Variants in CFAP65 observed in about 807,000 individuals in gnomAD.
The protein encoded by CFAP65 is cilia and flagella associated protein 65.
A neutral mutation model predicts 208.0 loss-of-function variants in CFAP65; 155 were observed. That is an observed-to-expected ratio of 0.75 (90% confidence interval 0.65 to 0.85). The LOEUF (loss-of-function observed/expected upper bound fraction) is 0.85. Among genes scored for constraint, CFAP65 ranks in the 40% least tolerant of loss-of-function variants. The pLI is 0.00. For missense variants in CFAP65, 2,294 were observed against 2,451.3 expected, an observed-to-expected ratio of 0.94 and a Z score of 1.36; for synonymous variants, 970 against 986.3, an observed-to-expected ratio of 0.98 and a Z score of 0.31.
Position 219,027,848 on chromosome 2 carries a change from A to G in CFAP65, c.2013T>C (p.Pro671=). 6.3e-7 allele frequency: 1 copy of G among 1,590,422 alleles called. No individual in the cohort carries two copies. Among genetic ancestry groups the G allele is most frequent in the African/African-American group, 1.3e-5 (1 of 74,662 alleles). The change falls in exon 13 of 35, where the codon CCT becomes CCC. Residue 671 remains proline (P), a synonymous_variant. Coordinates refer to ENST00000341552, the MANE Select transcript of CFAP65 (RefSeq NM_194302.4). ...TGTGGTTCATCAGGCACAGGGGTAC[A>G]GGGTTGGGGGCCTCAGGCCCTGGGC... ...GACPGPEAPN[P]VPLCLMNHTK...
At position 219,004,136 on chromosome 2, in the gene CFAP65, C is replaced by T. The variant is rs1483460031; in HGVS notation, c.5371G>A (p.Gly1791Ser). The T allele has an allele frequency of 2.5e-6, 4 of 1,613,750 alleles. No homozygotes were observed. Among genetic ancestry groups the T allele is most frequent in the East Asian group, 4.5e-5 (2 of 44,878 alleles). ...EEEETEEEEL[G>S]KEEIEEKEEE... The stretch of plus-strand genomic sequence containing the variant: ...TCCTTCTCCTCTATCTCCTCCTTGC[C>T]CAACTCCTCCTCTTCTGTCTCCTCT... Residue 1791 changes from glycine to serine, a missense_variant, in exon 33 of 35, where the codon GGC becomes AGC. By Grantham distance (56) the Gly-to-Ser change is moderately conservative. Around this residue, in one of 2 missense-constraint regions of CFAP65, gnomAD observed 1,427 missense variants for 1,438.7 expected, o/e 0.99. Transcript: ENST00000341552. This position sits in a 1 kb window ranked among gnomAD's most constrained non-coding sequence, Gnocchi z 4.7.
chr2:219,007,907 C>T (rs780464994), intron 29 of CFAP65, among the ~76,000 whole-genome samples: 1 of 151,946 alleles, frequency 6.6e-6, no homozygotes, highest in Non-Finnish European at 1.5e-5. Flanking sequence ...CAACCTCCGC[C>T]TCCCGGGTTC....
chr2:219,026,278 G>A (rs1053562278), intron 13 of CFAP65, 119 bp from the exon 14 acceptor site: 1 of 1,064,886 alleles, frequency 9.4e-7, no homozygotes, highest in Non-Finnish European at 1.4e-6. Context: ...ACAGACAGGA[G>A]GGCCTCCCTG....
chr2:219,006,662 C>T (rs1946019572), intron 29 of CFAP65, among the ~76,000 whole-genome samples, 153 bp from the exon 30 acceptor site: 1 of 152,056 alleles, frequency 6.6e-6, no homozygotes, highest in Non-Finnish European at 1.5e-5. Context: ...GGCGAAAGCC[C>T]GTCTCTACTA....
At position 219,028,214 on chromosome 2, in the gene CFAP65, A is replaced by T; in HGVS notation, c.1838T>A (p.Met613Lys). 6.2e-7 allele frequency: 1 copy of T among 1,613,998 alleles called. No individual in the cohort carries two copies. Among genetic ancestry groups the T allele is most frequent in the Non-Finnish European group, 8.5e-7 (1 of 1,179,934 alleles). Residue 613 changes from methionine (M) to lysine (K), a missense_variant, in exon 12 of 35, where the codon ATG becomes AAG. Met to Lys is a moderately conservative substitution (Grantham distance 95, BLOSUM62 -1). This residue lies in a region of CFAP65 where 867 missense variants were observed against 1,012.6 expected (regional missense o/e 0.86). Transcript: ENST00000341552. Reference sequence around the variant, plus strand: ...AGGGCACTGTACCTGGATGGGAATCATGAGAGCCCCGTTCTGGTCCTGTGC... The same window carrying T: ...AGGGCACTGTACCTGGATGGGAATCTTGAGAGCCCCGTTCTGGTCCTGTGC... ...KLAQDQNGAL[M>K]IPIQDLEDMP...
chr2:219,021,727 C>T, intron 18 of CFAP65, 53 bp downstream of exon 18: 1 of 1,599,882 alleles, frequency 6.3e-7, no homozygotes, highest in Middle Eastern at 1.7e-4. Flanking sequence ...CCGGTCTTAA[C>T]CAGTACCTCC....
Position 219,031,792 on chromosome 2 carries a change from AGGG to A in CFAP65, c.646-137_646-135del. ...GCCGTGGCACCCACGTCAGACTCTGAGGGGAGCTGGGCACCTATGTTGTCTTGG... is the reference window on the plus strand; with the variant it reads ...GCCGTGGCACCCACGTCAGACTCTGAGAGCTGGGCACCTATGTTGTCTTGG... On this transcript the variant is annotated intron_variant, in intron 6 of 34. Transcript: ENST00000341552. This position sits in a 1 kb window ranked among gnomAD's most constrained non-coding sequence, Gnocchi z 5.2. The A allele has an allele frequency of 2.0e-6, 2 of 1,018,620 alleles. No homozygotes were observed. Among genetic ancestry groups the A allele is most frequent in the East Asian group, 5.2e-5 (2 of 38,594 alleles). 63.1% of individuals were successfully genotyped at this position (1,018,620 alleles called of 1,614,324 possible).
intron 3 of CFAP65, 147 bp from the exon 4 acceptor site, chr2:219,038,725 G>T: frequency 9.1e-7 from 1 of 1,094,158 alleles, no homozygotes; most frequent in Non-Finnish European, 1.4e-6. Flanking sequence ...CATGAGGAAT[G>T]AGGCTGTACA....
intron 11 of CFAP65, 117 bp from the exon 12 acceptor site, chr2:219,028,518 G>A: frequency 2.3e-6 from 2 of 858,626 alleles, no homozygotes; most frequent in Non-Finnish European, 3.8e-6. Context: ...CAGTGGGGCA[G>A]AAGCTCCAGG....
At chr2:219,035,738 A>C in intron 4 of CFAP65, 74 bp from the exon 5 acceptor site, 1 of 1,522,716 alleles carries the variant, frequency 6.6e-7, no homozygotes. Flanking sequence ...CCCAGAGAAC[A>C]GGTGAAGGTC....
In CFAP65 at chr2:219,005,444, T is replaced by C. The variant is rs1343349230; in HGVS notation, c.5041A>G (p.Thr1681Ala). The change falls in exon 32 of 35, where the codon ACA becomes GCA. Residue 1681 changes from threonine to alanine, a missense_variant. Around this residue, in one of 2 missense-constraint regions of CFAP65, gnomAD observed 1,427 missense variants for 1,438.7 expected, o/e 0.99. Coordinates refer to ENST00000341552, the MANE Select transcript of CFAP65 (RefSeq NM_194302.4). ...KKQLLVDILT[T>A]IIRGLLEDKN... Reference sequence around the variant, plus strand: ...GGTGTGAGCTGGTACCTGATTATTGTGGTGAGAATGTCAACCAGGAGCTGC... The same window carrying C: ...GGTGTGAGCTGGTACCTGATTATTGCGGTGAGAATGTCAACCAGGAGCTGC... 6.2e-7 allele frequency: 1 copy of C among 1,613,656 alleles called. No individual in the cohort carries two copies. Among genetic ancestry groups the C allele is most frequent in the Non-Finnish European group, 8.5e-7 (1 of 1,179,918 alleles).
In CFAP65 at chr2:219,031,926, T is replaced by A. The variant is rs1210230947; in HGVS notation, c.646-268A>T. On this transcript the variant is annotated intron_variant, in intron 6 of 34. Transcript: ENST00000341552. The surrounding 1 kb of genome is among the most constrained non-coding windows in gnomAD (Gnocchi z 5.2). ...TGTAGAAGGGGTTTCTTTTCTTTTC[T>A]TTTTTTTTTTTTTTTTTTGAGTCTC... is the stretch of plus-strand genomic sequence containing the variant. Among the ~76,000 whole-genome samples, 1 of 83,764 alleles carries A rather than the reference T, an allele frequency of 1.2e-5. No individual in the cohort carries two copies. Among genetic ancestry groups the A allele is most frequent in the Admixed American group, 1.0e-4 (1 of 9,782 alleles). 55.0% of individuals were successfully genotyped at this position (83,764 alleles called of 152,430 possible). A position where few individuals can be genotyped will look rare whatever the true frequency, so the allele number is the denominator to read the frequency against.
intron 31 of CFAP65, 67 bp from the exon 32 acceptor site, chr2:219,005,629 G>A: frequency 6.3e-7 from 1 of 1,586,448 alleles, no homozygotes. Flanking sequence ...GGCACAAGCA[G>A]TGGTGGTAGC....
chr2:219,004,901 TTCTC>T lies in CFAP65; in HGVS notation c.5052-450_5052-447del, dbSNP rs942818294. Reference sequence around the variant, plus strand: ...TTTTTTCTTTTCTCTCTCTCTCTATTTCTCTCTTTCTTTCTCTCTCTTTCTCTCC... The same window carrying T: ...TTTTTTCTTTTCTCTCTCTCTCTATTTCTTTCTTTCTCTCTCTTTCTCTCC... On this transcript the variant is annotated intron_variant, in intron 32 of 34. Coordinates refer to ENST00000341552, the MANE Select transcript of CFAP65 (RefSeq NM_194302.4). This position sits in a 1 kb window ranked among gnomAD's most constrained non-coding sequence, Gnocchi z 4.7. Among the ~76,000 whole-genome samples, 11 of 150,214 alleles carry T rather than the reference TTCTC, an allele frequency of 7.3e-5. No homozygotes were observed. Among genetic ancestry groups the T allele is most frequent in the Non-Finnish European group, 2.9e-5 (2 of 67,898 alleles).
Position 219,035,561 on chromosome 2 carries a change from T to G in CFAP65, c.461A>C (p.Lys154Thr), listed in dbSNP as rs759937567. 2 of 1,614,096 alleles carry G rather than the reference T, an allele frequency of 1.2e-6. No homozygotes were observed. Among genetic ancestry groups the G allele is most frequent in the South Asian group, 1.1e-5 (1 of 91,074 alleles). The change falls in exon 5 of 35, where the codon AAA becomes ACA. Residue 154 changes from lysine to threonine, a missense_variant. Physicochemically the swap from Lys to Thr is moderately conservative, Grantham distance 78. Transcript: ENST00000341552. ...GGTCTCCTTTCCTAGCTCCCAGCCTTTCCAATGCAGCTCCTCAGCCACCTC... is the reference window on the plus strand; with the variant it reads ...GGTCTCCTTTCCTAGCTCCCAGCCTGTCCAATGCAGCTCCTCAGCCACCTC... ...GIEVAEELHW[K>T]GWELGKETTR... is the part of the protein sequence containing the mutation.
intron 24 of CFAP65, among the ~76,000 whole-genome samples, chr2:219,011,261 T>C (rs1171139927): frequency 1.3e-5 from 2 of 150,088 alleles, no homozygotes; most frequent in African/African-American, 2.5e-5. Context: ...GTTTTTTTTC[T>C]TTTTCTTTCT....
At position 219,022,146 on chromosome 2, in the gene CFAP65, C is replaced by A. The variant is rs763310732; in HGVS notation, c.2979+25G>T. The A allele has an allele frequency of 1.9e-6, 3 of 1,546,792 alleles. No individual in the cohort carries two copies. The Admixed American group carries it at 5.8e-5, about 30-fold the overall frequency. On this transcript the variant is annotated intron_variant, in intron 17 of 34. Transcript: ENST00000341552. The stretch of plus-strand genomic sequence containing the variant: ...CTGTCCGGGCCTCTCCCCCAGCCCC[C>A]TCCTGCCAGAGCCCTCCCACTCACA...
chr2:219,032,322 C>T lies in CFAP65; in HGVS notation c.645+148G>A, dbSNP rs549616280. The T allele has an allele frequency of 1.2e-4, 74 of 636,192 alleles. No individual in the cohort carries two copies. The highest frequency in any genetic ancestry group is 4.5e-4 in the Middle Eastern group (1 of 2,220). The allele number at this position is 636,192 out of a possible 1,614,324, so 39.4% of individuals were successfully genotyped here. A position where few individuals can be genotyped will look rare whatever the true frequency, so the allele number is the denominator to read the frequency against. On this transcript the variant is annotated intron_variant, in intron 6 of 34. Coordinates refer to ENST00000341552, the MANE Select transcript of CFAP65 (RefSeq NM_194302.4). This position sits in a 1 kb window ranked among gnomAD's most constrained non-coding sequence, Gnocchi z 5.5. ...GTCTAATGAGATGAGGGGCTAAGCCCTTGACGGGGCCTCCCAAGCTGGATT... is the reference window on the plus strand; with the variant it reads ...GTCTAATGAGATGAGGGGCTAAGCCTTTGACGGGGCCTCCCAAGCTGGATT...
chr2:219,022,858 C>T (rs926225526), intron 16 of CFAP65, among the ~76,000 whole-genome samples: 1 of 152,196 alleles, frequency 6.6e-6, no homozygotes. Context: ...CCATTTGGGC[C>T]CAAATCCAGC....
Sources: gnomAD v4.1 joint callset for allele counts (sites outside exome capture counted in the v4.1 genomes callset) on GRCh38, gnomAD v4.1.1 for gene constraint, gnomAD v4.1.1 regional missense constraint, Gnocchi (gnomAD v3.1) non-coding constraint, MANE v1.5 for transcripts, NCBI Gene and HGNC (gene_info 2026-07-23, HGNC 2026-07-21) for gene names.